The following RUNX3 variants were observed in gnomAD, a reference collection of about 807,000 sequenced individuals.
The protein encoded by RUNX3 is RUNX family transcription factor 3.
Under a neutral mutation model 27.7 loss-of-function variants are expected in RUNX3, and 10 were observed. The observed-to-expected ratio is 0.36, with a 90% CI of 0.22 to 0.61. The LOEUF (loss-of-function observed/expected upper bound fraction) is 0.61, where lower values mean the gene tolerates loss of function less well. RUNX3 is among the 20% of genes least tolerant of loss of function. RUNX3 has a pLI of 0.72. For missense variants in RUNX3, 469 were observed against 629.5 expected (o/e 0.75, Z 2.73); for synonymous variants, 270 against 269.2 (o/e 1.00, Z -0.03).
At chr1:24,932,222 G>T (rs1306887772), upstream of RUNX3, among the ~76,000 whole-genome samples, 1 of 152,106 alleles carries the variant, frequency 6.6e-6, no homozygotes, top group African/African-American at 2.4e-5. Context: ...AGAGAATGAG[G>T]GACTCTTGTG....
At chr1:24,926,105 T>C (rs1641094673) in intron 2 of RUNX3, among the ~76,000 whole-genome samples, 1 of 152,160 alleles carries the variant, frequency 6.6e-6, no homozygotes, top group South Asian at 2.1e-4. Context: ...TCTGCCCGCC[T>C]CGCAACAGGC....
chr1:24,900,622 TTTACA>T lies in RUNX3; in HGVS notation c.*1495_*1499del, dbSNP rs1334758148. On this transcript the variant is annotated 3_prime_UTR_variant, in exon 5 of 5. Transcript: ENST00000308873. ...CAGCTGAGCTGCGGCTGGAGAGCCC[TTTACA>T]GTGCTTCTGTCCTGCCACGCACAGC... 6.6e-6 allele frequency: 1 copy of T among 152,410 alleles called. No homozygotes were observed. Among genetic ancestry groups the T allele is most frequent in the Non-Finnish European group, 1.5e-5 (1 of 68,066 alleles). 9.4% of individuals were successfully genotyped at this position (152,410 alleles called of 1,614,324 possible). A position where few individuals can be genotyped will look rare whatever the true frequency, so the allele number is the denominator to read the frequency against.
upstream of RUNX3, among the ~76,000 whole-genome samples, chr1:24,935,127 C>A (rs1305918761): frequency 6.6e-6 from 1 of 152,226 alleles, no homozygotes; most frequent in Non-Finnish European, 1.5e-5. Flanking sequence ...GGAGCAAGCA[C>A]CTCGAGGCAA....
chr1:24,906,601 T>C (rs1218319798), intron 4 of RUNX3, among the ~76,000 whole-genome samples: 1 of 152,228 alleles, frequency 6.6e-6, no homozygotes, highest in African/African-American at 2.4e-5. Context: ...GCCTGAGGCC[T>C]GGCTGCAACT....
At chr1:24,935,438 G>A (rs145305814) in intron 2 of RUNX3, among the ~76,000 whole-genome samples, 5 of 152,268 alleles carry the variant, frequency 3.3e-5, no homozygotes, top group South Asian at 2.1e-4. Flanking sequence ...ACATGACCTC[G>A]GATCCTTCCA....
At chr1:24,915,582 T>C (rs1488125768) in intron 3 of RUNX3, among the ~76,000 whole-genome samples, 1 of 152,152 alleles carries the variant, frequency 6.6e-6, no homozygotes, top group Non-Finnish European at 1.5e-5. Context: ...TGTGTGCCAC[T>C]TGAAACAGGC....
chr1:24,903,318 A>G (rs545390015), intron 4 of RUNX3, among the ~76,000 whole-genome samples: 7 of 152,268 alleles, frequency 4.6e-5, no homozygotes, highest in African/African-American at 7.2e-5. Flanking sequence ...AGTTCACAGG[A>G]GCTCTGGCCT....
intron 3 of RUNX3, among the ~76,000 whole-genome samples, chr1:24,908,712 C>T (rs1640739581): frequency 6.6e-6 from 1 of 152,074 alleles, no homozygotes; most frequent in African/African-American, 2.4e-5. Context: ...GGCTCATGCC[C>T]CCAAGGGAGG....
intron 2 of RUNX3, among the ~76,000 whole-genome samples, chr1:24,925,776 G>C (rs1390205125): frequency 6.6e-6 from 1 of 152,078 alleles, no homozygotes; most frequent in Admixed American, 6.5e-5. Context: ...AGATGGATGA[G>C]AGAATGGTTT....
chr1:24,907,326 T>C lies in RUNX3; in HGVS notation c.636A>G (p.Thr212=), dbSNP rs757088968. The C allele has an allele frequency of 1.9e-6, 3 of 1,612,668 alleles. No individual in the cohort carries two copies. Among genetic ancestry groups the C allele is most frequent in the Middle Eastern group, 1.7e-4 (1 of 5,800 alleles). Residue 212 remains threonine (T), a synonymous_variant, in exon 4 of 5, where the codon ACA becomes ACG. Transcript: ENST00000308873. ...TGCTGAGTGAGCCTCGGGGGCTGGGTGTGCTCGGTGTCACCCGCATGCGCA... is the reference window on the plus strand; with the variant it reads ...TGCTGAGTGAGCCTCGGGGGCTGGGCGTGCTCGGTGTCACCCGCATGCGCA... ...ERLRMRVTPS[T]PSPRGSLSTT... is the part of the protein sequence containing the mutation.
At chr1:24,913,518 A>G (rs760682251) in intron 3 of RUNX3, among the ~76,000 whole-genome samples, 1 of 152,260 alleles carries the variant, frequency 6.6e-6, no homozygotes, top group Non-Finnish European at 1.5e-5. Flanking sequence ...CCTTTGAGGA[A>G]GGTGTTCTGG....
chr1:24,944,168 G>T (rs1228478301), intron 2 of RUNX3, among the ~76,000 whole-genome samples: 1 of 152,166 alleles, frequency 6.6e-6, no homozygotes, highest in Non-Finnish European at 1.5e-5. Context: ...GGGCAGGAGA[G>T]AGCTGATTCT....
At chr1:24,942,543 G>A (rs552991995) in intron 2 of RUNX3, among the ~76,000 whole-genome samples, 37 of 152,246 alleles carry the variant, frequency 2.4e-4, no homozygotes, top group Middle Eastern at 3.4e-3. Flanking sequence ...GGTGACATGC[G>A]AGCTGAGACC....
At chr1:24,918,049 C>G (rs932486767) in intron 3 of RUNX3, among the ~76,000 whole-genome samples, 6 of 152,186 alleles carry the variant, frequency 3.9e-5, no homozygotes, top group Non-Finnish European at 8.8e-5. Context: ...AGGATGCGTG[C>G]CGGGGCTCAG....
intron 3 of RUNX3, among the ~76,000 whole-genome samples, chr1:24,917,805 A>C (rs1640917044): frequency 6.6e-6 from 1 of 152,134 alleles, no homozygotes; most frequent in Non-Finnish European, 1.5e-5. Flanking sequence ...TCTCTACACC[A>C]TGGTGGTCTA....
Position 24,901,773 on chromosome 1 carries a change from G to A in RUNX3, c.*349C>T. 3.7e-6 allele frequency: 1 copy of A among 269,276 alleles called. No homozygotes were observed. The allele number at this position is 269,276 out of a possible 1,614,324, so 16.7% of individuals were successfully genotyped here. A position where few individuals can be genotyped will look rare whatever the true frequency, so the allele number is the denominator to read the frequency against. ...TCTCTCTGGAAGAGAGATGGCCTCT[G>A]TCCCAGGAGACATGGGTCCCATGCA... On this transcript the variant is annotated 3_prime_UTR_variant, in exon 5 of 5. Transcript: ENST00000308873.
intron 3 of RUNX3, among the ~76,000 whole-genome samples, chr1:24,912,891 C>T (rs193018500): frequency 1.7e-3 from 263 of 152,188 alleles, no homozygotes; most frequent in African/African-American, 6.1e-3. Context: ...AGGGCCCCGT[C>T]CAGCCCCAGG....
chr1:24,949,446 G>A (rs1641702595), intron 2 of RUNX3, among the ~76,000 whole-genome samples: 1 of 152,034 alleles, frequency 6.6e-6, no homozygotes. Context: ...CTCAGACCCT[G>A]CCCAGCACCC....
chr1:24,942,282 C>G (rs1641497595), intron 2 of RUNX3, among the ~76,000 whole-genome samples: 5 of 152,140 alleles, frequency 3.3e-5, no homozygotes, highest in African/African-American at 1.2e-4. Flanking sequence ...GCACCTAGGG[C>G]TATTTTAGGT....
Sources: allele counts gnomAD v4.1 joint callset (sites outside exome capture counted in the v4.1 genomes callset), GRCh38; gene constraint gnomAD v4.1.1; transcripts MANE v1.5; gene names NCBI Gene and HGNC (gene_info 2026-07-23, HGNC 2026-07-21).